The following NCOA2 variants were observed in gnomAD, a reference collection of about 807,000 sequenced individuals.
NCOA2 encodes the protein nuclear receptor coactivator 2.
NCOA2 carries 21 observed loss-of-function variants against 145.1 expected under a neutral mutation model. The observed-to-expected ratio is 0.14, with a 90% CI of 0.10 to 0.21. The LOEUF (loss-of-function observed/expected upper bound fraction) is 0.21. Among genes scored for constraint, NCOA2 ranks in the 10% least tolerant of loss-of-function variants. The pLI, the probability that NCOA2 is intolerant of heterozygous loss-of-function variation, is 1.00. For missense variants in NCOA2, 1,472 were observed against 1,837.6 expected (o/e 0.80, Z 3.64); for synonymous variants, 619 against 637.5 (o/e 0.97, Z 0.44).
At chr8:70,402,846 G>T (rs1377751825) in intron 1 of NCOA2, among the ~76,000 whole-genome samples, 2 of 148,000 alleles carry the variant, frequency 1.4e-5, no homozygotes, top group African/African-American at 4.9e-5. Flanking sequence ...TCAGGGGCGA[G>T]CCCGGCTCGG....
intron 19 of NCOA2, among the ~76,000 whole-genome samples, chr8:70,125,231 A>G (rs980682665): frequency 1.3e-5 from 2 of 152,182 alleles, no homozygotes; most frequent in Non-Finnish European, 2.9e-5. Flanking sequence ...AAAATCTCAA[A>G]GTATCACTGC....
At chr8:70,405,739 G>A (rs1488890129), upstream of NCOA2, among the ~76,000 whole-genome samples, 2 of 152,062 alleles carry the variant, frequency 1.3e-5, no homozygotes, top group Admixed American at 1.3e-4. Context: ...CATTTTGGCA[G>A]AAGTCCAGAG....
chr8:70,128,658 C>T (rs1349053550), intron 17 of NCOA2, 44 bp downstream of exon 17: 5 of 1,604,296 alleles, frequency 3.1e-6, no homozygotes, highest in African/African-American at 1.3e-5. Context: ...CCCATGTCCT[C>T]CACCCAGCAC....
chr8:70,404,113 G>C (rs1348577238), upstream of NCOA2, among the ~76,000 whole-genome samples: 2 of 152,212 alleles, frequency 1.3e-5, no homozygotes, highest in Non-Finnish European at 2.9e-5. Flanking sequence ...CATCTCCGTC[G>C]GCAGAGTCCT....
At chr8:70,157,346 C>T (rs1189525264) in intron 10 of NCOA2, 106 bp from the exon 11 acceptor site, 2 of 1,012,406 alleles carry the variant, frequency 2.0e-6, no homozygotes, top group East Asian at 2.6e-5. Context: ...AAAGAACAGG[C>T]TACATTTTAA....
At chr8:70,281,083 G>GT in intron 2 of NCOA2, among the ~76,000 whole-genome samples, 1 of 152,172 alleles carries the variant, frequency 6.6e-6, no homozygotes, top group Non-Finnish European at 1.5e-5. Context: ...GCTGGGCATG[G>GT]TGGCTCATGC....
At chr8:70,117,090 T>G (rs116537093) in intron 22 of NCOA2, among the ~76,000 whole-genome samples, 1,621 of 152,320 alleles carry the variant, frequency 0.011, 29 homozygotes, top group African/African-American at 0.036. Context: ...CTAACACTAC[T>G]CTTTCCATTT....
At chr8:70,116,177 ACT>A (rs1554558857) in intron 22 of NCOA2, among the ~76,000 whole-genome samples, 2 of 112,680 alleles carry the variant, frequency 1.8e-5, no homozygotes, top group Non-Finnish European at 3.5e-5. Flanking sequence ...ACAAAGCGAG[ACT>A]CTGTCTTAAA....
chr8:70,226,264 A>G (rs1288179737), intron 2 of NCOA2, among the ~76,000 whole-genome samples: 2 of 152,188 alleles, frequency 1.3e-5, no homozygotes, highest in Non-Finnish European at 2.9e-5. Flanking sequence ...GGAAGAGGGA[A>G]AGAACAGGAG....
intron 22 of NCOA2, among the ~76,000 whole-genome samples, chr8:70,118,563 A>G (rs1301568459): frequency 6.6e-6 from 1 of 152,208 alleles, no homozygotes; most frequent in Non-Finnish European, 1.5e-5. Context: ...GTAAGTTAAA[A>G]TCTGGAGCAA....
At chr8:70,144,967 T>C in intron 12 of NCOA2, 119 bp from the exon 13 acceptor site, 1 of 835,830 alleles carries the variant, frequency 1.2e-6, no homozygotes. Context: ...AGGGACCAAC[T>C]ACCTAGATAA....
At chr8:70,174,412 C>T (rs1814603472) in intron 5 of NCOA2, among the ~76,000 whole-genome samples, 1 of 152,214 alleles carries the variant, frequency 6.6e-6, no homozygotes, top group South Asian at 2.1e-4. Flanking sequence ...ATGGCATGTA[C>T]AAAATTTAAG....
At chr8:70,241,826 A>C (rs1026456339) in intron 2 of NCOA2, among the ~76,000 whole-genome samples, 1 of 152,180 alleles carries the variant, frequency 6.6e-6, no homozygotes, top group African/African-American at 2.4e-5. Context: ...CTGGCATGTA[A>C]GTTCTACATA....
At chr8:70,401,877 A>C (rs1242217918) in intron 1 of NCOA2, 1 of 152,204 alleles carries the variant, frequency 6.6e-6, no homozygotes, top group Non-Finnish European at 1.5e-5. Context: ...GGCCTCGGTG[A>C]GTTACTGCCA....
chr8:70,329,933 G>A (rs1586509636), intron 1 of NCOA2, among the ~76,000 whole-genome samples: 1 of 152,032 alleles, frequency 6.6e-6, no homozygotes, highest in Non-Finnish European at 1.5e-5. Flanking sequence ...TTATCTCTGG[G>A]GAAATACTAA....
At chr8:70,143,379 T>G (rs1810678013) in intron 13 of NCOA2, among the ~76,000 whole-genome samples, 1 of 152,222 alleles carries the variant, frequency 6.6e-6, no homozygotes. Flanking sequence ...CTACAAGAAC[T>G]CATATCTTCT....
At chr8:70,142,951 TTTG>T (rs1293920803) in intron 13 of NCOA2, among the ~76,000 whole-genome samples, 1 of 151,400 alleles carries the variant, frequency 6.6e-6, no homozygotes, top group East Asian at 1.9e-4. Context: ...TTTTGTTTTT[TTTG>T]TTTTTTTTTT....
At chr8:70,345,685 C>T (rs964941146) in intron 1 of NCOA2, among the ~76,000 whole-genome samples, 3 of 152,120 alleles carry the variant, frequency 2.0e-5, no homozygotes, top group Non-Finnish European at 2.9e-5. Flanking sequence ...TTTTTTTAAT[C>T]GGACATGATC....
In NCOA2 at chr8:70,128,729, T is replaced by C. The variant is rs770433879; in HGVS notation, c.3576A>G (p.Gln1192=). 5.0e-6 allele frequency: 8 copies of C among 1,613,938 alleles called. No individual in the cohort carries two copies. In the East Asian group the frequency reaches 8.9e-5, roughly 18 times the overall value. ...VQNQPNQLRL[Q]LQHRLQAQQN... Reference sequence around the variant, plus strand: ...GCTGTGCTTGGAGGCGATGCTGAAGTTGAAGTCTTAGTTGATTTGGCTGGT... The same window carrying C: ...GCTGTGCTTGGAGGCGATGCTGAAGCTGAAGTCTTAGTTGATTTGGCTGGT... Residue 1192 remains glutamine (Q), a synonymous_variant, in exon 17 of 23, where the codon CAA becomes CAG. Coordinates refer to ENST00000452400, the MANE Select transcript of NCOA2 (RefSeq NM_006540.4).
Sources: gnomAD v4.1 joint callset for allele counts (sites outside exome capture counted in the v4.1 genomes callset) on GRCh38, gnomAD v4.1.1 for gene constraint, MANE v1.5 for transcripts, NCBI Gene and HGNC (gene_info 2026-07-23, HGNC 2026-07-21) for gene names.